Variants in KIAA1671 observed in about 807,000 individuals in gnomAD.
KIAA1671 encodes uncharacterized protein KIAA1671.
Under a neutral mutation model 131.2 loss-of-function variants are expected in KIAA1671, and 52 were observed. That is an observed-to-expected ratio of 0.40 (90% CI 0.32 to 0.50). The LOEUF is 0.50. Ranked by LOEUF, KIAA1671 falls within the 20% of genes least tolerant of loss-of-function variation. The pLI is 0.73. For synonymous variants in KIAA1671, 1,003 were observed against 961.6 expected (o/e 1.04, Z -0.80); for missense variants, 2,360 against 2,364.2 (o/e 1.00, Z 0.04).
chr22:24,994,532 C>T (rs1924008703), intron 1 of KIAA1671, among the ~76,000 whole-genome samples: 1 of 152,170 alleles, frequency 6.6e-6, no homozygotes, highest in Non-Finnish European at 1.5e-5. Context: ...TGGAGTCCAA[C>T]AGTGTTTGGT....
intron 6 of KIAA1671, among the ~76,000 whole-genome samples, chr22:25,120,733 C>T (rs1356528139): frequency 6.6e-6 from 1 of 152,216 alleles, no homozygotes; most frequent in African/African-American, 2.4e-5. Context: ...CTCTTCCAAA[C>T]AAAATTGCCA....
chr22:25,062,619 G>C (rs188714712), intron 6 of KIAA1671: 1 of 152,538 alleles, frequency 6.6e-6, no homozygotes, highest in East Asian at 1.9e-4. Flanking sequence ...CATCTGCGTT[G>C]GTTGTATCAG....
At chr22:25,026,647 T>C (rs909165392) in intron 2 of KIAA1671, among the ~76,000 whole-genome samples, 12 of 151,984 alleles carry the variant, frequency 7.9e-5, no homozygotes, top group Admixed American at 4.6e-4. Flanking sequence ...GGAGAATGGC[T>C]TGAACCTGGG....
chr22:25,156,413 A>G (rs1231052497), intron 6 of KIAA1671, among the ~76,000 whole-genome samples: 1 of 151,020 alleles, frequency 6.6e-6, no homozygotes, highest in Admixed American at 6.6e-5. Flanking sequence ...TTTCATGTGT[A>G]TATGTGTTTG....
intron 4 of KIAA1671, among the ~76,000 whole-genome samples, 151 bp downstream of exon 4, chr22:25,032,847 T>C (rs1926367802): frequency 1.3e-5 from 2 of 152,218 alleles, no homozygotes; most frequent in South Asian, 4.1e-4. Context: ...GTTGGGACTT[T>C]GAAGTCCCTT....
intron 6 of KIAA1671, among the ~76,000 whole-genome samples, chr22:25,120,399 A>G (rs1207979213): frequency 1.3e-5 from 2 of 152,326 alleles, no homozygotes; most frequent in East Asian, 1.9e-4. Context: ...TGGCAGCAGA[A>G]TGATGTCACC....
Position 25,093,834 on chromosome 22 carries a change from GTCTGTCTC to G in KIAA1671, c.4530+44474_4530+44481del, listed in dbSNP as rs1568951590. ...TCTGTCTCTCTCTCTTTCTCTCTCT[GTCTGTCTC>G]TCTCTCTCTCTCTCTCTCTCTCTCT... is the stretch of plus-strand genomic sequence containing the variant. On this transcript the variant is annotated intron_variant, in intron 6 of 12. Transcript: ENST00000358431. Among the ~76,000 whole-genome samples the G allele has an allele frequency of 5.1e-3, 87 of 16,942 alleles. 6 individuals carry two copies. The highest frequency in any genetic ancestry group is 7.6e-3 in the African/African-American group (23 of 3,032). 11.1% of individuals were successfully genotyped at this position (16,942 alleles called of 152,430 possible).
chr22:25,124,106 G>A (rs895286663), intron 6 of KIAA1671, among the ~76,000 whole-genome samples: 1 of 152,134 alleles, frequency 6.6e-6, no homozygotes, highest in African/African-American at 2.4e-5. Context: ...AGGCTCCCAG[G>A]GGCTTTTGAG....
At chr22:25,057,227 G>C (rs1290163555) in intron 6 of KIAA1671, 1 of 152,254 alleles carries the variant, frequency 6.6e-6, no homozygotes, top group Non-Finnish European at 1.5e-5. Flanking sequence ...GAGGAGAAAG[G>C]GTGTCTCTAG....
chr22:25,054,474 G>A (rs956482965), intron 6 of KIAA1671: 5 of 149,036 alleles, frequency 3.4e-5, no homozygotes, highest in African/African-American at 1.2e-4. Flanking sequence ...GGTGGGAGGT[G>A]GGTGATAGGT....
rs1273285524 is a variant in KIAA1671, at chr22:25,049,271, G to A, written c.4437G>A (p.Glu1479=). 8 of 1,552,012 alleles carry A rather than the reference G, an allele frequency of 5.2e-6. No individual in the cohort carries two copies. The East Asian group carries it at 9.8e-5, about 19-fold the overall frequency. The change falls in exon 6 of 13, where the codon GAG becomes GAA. Residue 1479 remains glutamate (E), a synonymous_variant. Coordinates refer to ENST00000358431, the MANE Select transcript of KIAA1671 (RefSeq NM_001145206.2). ...RDLEKEDAPQ[E]KERPLQQVSP... ...TGGAGAAGGAGGATGCCCCCCAGGA[G>A]AAGGAGCGACCGCTCCAGCAGGTGT...
intron 6 of KIAA1671, among the ~76,000 whole-genome samples, chr22:25,073,567 C>A: frequency 6.6e-6 from 1 of 152,192 alleles, no homozygotes. Context: ...CAACAAATTT[C>A]CAGTATATAA....
chr22:25,068,178 G>A (rs185892670), intron 6 of KIAA1671, among the ~76,000 whole-genome samples: 201 of 148,988 alleles, frequency 1.3e-3, no homozygotes, highest in Non-Finnish European at 1.9e-3. Flanking sequence ...CGACTGTGCC[G>A]TCAGGGAGCA....
intron 6 of KIAA1671, among the ~76,000 whole-genome samples, chr22:25,169,712 G>T (rs61015661): frequency 0.13 from 19,038 of 152,204 alleles, 1,294 homozygotes; most frequent in Non-Finnish European, 0.16. Flanking sequence ...CGTGTGCCAG[G>T]CTTGGCCCTG....
At chr22:25,001,208 T>C (rs1924456127) in intron 1 of KIAA1671, among the ~76,000 whole-genome samples, 1 of 144,638 alleles carries the variant, frequency 6.9e-6, no homozygotes, top group South Asian at 2.3e-4. Context: ...TGTATGTGTA[T>C]GTATGTGTAT....
intron 11 of KIAA1671, among the ~76,000 whole-genome samples, chr22:25,188,157 C>T (rs140938364): frequency 0.014 from 2,156 of 152,124 alleles, 23 homozygotes; most frequent in Middle Eastern, 0.061. Context: ...AAAAATTAGC[C>T]GGATGTGGTG....
chr22:25,195,370 C>T lies in KIAA1671; in HGVS notation c.*2969C>T, dbSNP rs1934791582. On this transcript the variant is annotated 3_prime_UTR_variant, in exon 13 of 13. Coordinates refer to ENST00000358431, the MANE Select transcript of KIAA1671 (RefSeq NM_001145206.2). ...AAATCAGTGTTGTGGAGGATTACTC[C>T]ATGCCACCGGAGAAACTCTGGTGAA... is the stretch of plus-strand genomic sequence containing the variant. The T allele has an allele frequency of 6.6e-6, 1 of 152,146 alleles. No individual in the cohort carries two copies. Among genetic ancestry groups the T allele is most frequent in the Admixed American group, 6.5e-5 (1 of 15,276 alleles). 9.4% of individuals were successfully genotyped at this position (152,146 alleles called of 1,614,324 possible). A position where few individuals can be genotyped will look rare whatever the true frequency, so the allele number is the denominator to read the frequency against.
chr22:25,131,838 ACTTTGCCCCTTGGTGC>A lies in KIAA1671; in HGVS notation c.4531-38979_4531-38964del, dbSNP rs562512437. Reference sequence around the variant, plus strand: ...CCGGCTGGGTGGCTGTGGGCAGGTTACTTTGCCCCTTGGTGCCTCACTGTCTTCCCCTCTGAAGGGG... The same window carrying A: ...CCGGCTGGGTGGCTGTGGGCAGGTTACTCACTGTCTTCCCCTCTGAAGGGG... On this transcript the variant is annotated intron_variant, in intron 6 of 12. Transcript: ENST00000358431. Among the ~76,000 whole-genome samples, 71 of 152,286 alleles carry A rather than the reference ACTTTGCCCCTTGGTGC, an allele frequency of 4.7e-4. No individual in the cohort carries two copies. The South Asian group carries it at 0.015, about 31-fold the overall frequency.
At chr22:24,961,981 T>A (rs1002441073) in intron 1 of KIAA1671, among the ~76,000 whole-genome samples, 1 of 152,184 alleles carries the variant, frequency 6.6e-6, no homozygotes. Context: ...TCAGTTTCCT[T>A]ATCTGGAAAA....
Sources: allele counts gnomAD v4.1 joint callset (sites outside exome capture counted in the v4.1 genomes callset), GRCh38; gene constraint gnomAD v4.1.1; transcripts MANE v1.5; gene names NCBI Gene and HGNC (gene_info 2026-07-23, HGNC 2026-07-21).